The following SUPT6H variants were observed in gnomAD, a reference collection of about 807,000 sequenced individuals.
SUPT6H encodes the protein SPT6 homolog, histone chaperone and transcription elongation factor.
Under a neutral mutation model 222.3 loss-of-function variants are expected in SUPT6H, and 11 were observed. The ratio of observed to expected loss-of-function variants is 0.05; its 90% CI spans 0.03 to 0.08. The LOEUF (loss-of-function observed/expected upper bound fraction) is 0.08. SUPT6H is among the 10% of genes least tolerant of loss of function. The pLI is 1.00. For synonymous variants in SUPT6H, 762 were observed against 801.2 expected (o/e 0.95, Z 0.83); for missense variants, 1,422 against 2,216.0 (o/e 0.64, Z 7.19).
chr17:28,691,391 T>C, intron 27 of SUPT6H: 1 of 252,584 alleles, frequency 4.0e-6, no homozygotes, highest in Non-Finnish European at 8.0e-6. Flanking sequence ...CCAGTTGTGG[T>C]GGCATACGCC....
rs199536146 is a variant in SUPT6H, at chr17:28,676,230, G to C, written c.697G>C (p.Asp233His). ...YDEFEKYNEYDEELEEEYEYE... is the reference protein window; with the variant it reads ...YDEFEKYNEYHEELEEEYEYE... The stretch of plus-strand genomic sequence containing the variant: ...TGAATTTGAGAAATACAATGAGTAT[G>C]ATGAAGAACTGGAGGAAGAGTATGA... The change falls in exon 7 of 37, where the codon GAT becomes CAT. Residue 233 changes from aspartate (D) to histidine (H), a missense_variant. Asp to His is a moderately conservative substitution (Grantham distance 81). This residue lies in a region of SUPT6H where 389 missense variants were observed against 544.6 expected (regional missense o/e 0.71). Transcript: ENST00000314616. 6.2e-7 allele frequency: 1 copy of C among 1,613,406 alleles called. No individual in the cohort carries two copies. Among genetic ancestry groups the C allele is most frequent in the Non-Finnish European group, 8.5e-7 (1 of 1,179,814 alleles).
At chr17:28,675,272 CAAAG>C in intron 5 of SUPT6H, 110 bp downstream of exon 5, 3 of 1,482,426 alleles carry the variant, frequency 2.0e-6, no homozygotes, top group East Asian at 2.3e-5. Flanking sequence ...GCATTTGACA[CAAAG>C]AAGTTCCTTT....
intron 26 of SUPT6H, 27 bp from the exon 27 acceptor site, chr17:28,690,894 C>G: frequency 5.6e-6 from 9 of 1,607,906 alleles, no homozygotes; most frequent in Admixed American, 1.7e-5. Flanking sequence ...TCTGAGCCTG[C>G]TCCCCATCCT....
At chr17:28,674,227 C>T in intron 2 of SUPT6H, 56 bp from the exon 3 acceptor site, 1 of 1,604,672 alleles carries the variant, frequency 6.2e-7, no homozygotes, top group Non-Finnish European at 8.5e-7. Flanking sequence ...ATCAAGTGAC[C>T]CTGAACCTCT....
Position 28,697,930 on chromosome 17 carries a change from A to G in SUPT6H, c.4348A>G (p.Thr1450Ala). The G allele has an allele frequency of 6.2e-7, 1 of 1,614,050 alleles. No homozygotes were observed. Among genetic ancestry groups the G allele is most frequent in the Non-Finnish European group, 8.5e-7 (1 of 1,180,008 alleles). ...RKKLEELLIK[T>A]KKEKPTFIPY... ...GAAATTAGAGGAGCTGCTCATCAAA[A>G]CTAAGAAGGAGAAGCCCACCTTCAT... is the stretch of plus-strand genomic sequence containing the variant. The change falls in exon 32 of 37, where the codon ACT becomes GCT. Residue 1450 changes from threonine (T) to alanine (A), a missense_variant. Coordinates refer to ENST00000314616, the MANE Select transcript of SUPT6H (RefSeq NM_003170.5).
intron 2 of SUPT6H, among the ~76,000 whole-genome samples, chr17:28,673,906 A>G (rs1288104018): frequency 6.6e-6 from 1 of 152,224 alleles, no homozygotes; most frequent in Non-Finnish European, 1.5e-5. Context: ...AAATGACTTC[A>G]AAGGGGTAAA....
chr17:28,691,114 CT>C, intron 27 of SUPT6H, 51 bp downstream of exon 27: 1 of 1,580,206 alleles, frequency 6.3e-7, no homozygotes, highest in South Asian at 1.1e-5. Context: ...GTTGAATGAT[CT>C]CGGTGCCTAG....
chr17:28,674,863 C>G, intron 4 of SUPT6H, 107 bp from the exon 5 acceptor site: 2 of 1,355,260 alleles, frequency 1.5e-6, no homozygotes, highest in African/African-American at 1.4e-5. Context: ...TTTCCCATCT[C>G]TCTTGGTCAG....
intron 1 of SUPT6H, among the ~76,000 whole-genome samples, chr17:28,667,401 G>GGGTA (rs1555546885): frequency 5.0e-5 from 1 of 20,032 alleles, no homozygotes; most frequent in Non-Finnish European, 1.4e-4. Context: ...AAAAGTGTGT[G>GGGTA]TGTGTATATA....
chr17:28,693,530 T>C (rs1175057399), intron 27 of SUPT6H, among the ~76,000 whole-genome samples, 166 bp from the exon 28 acceptor site: 1 of 152,226 alleles, frequency 6.6e-6, no homozygotes, highest in Non-Finnish European at 1.5e-5. Flanking sequence ...AGGGACTTTG[T>C]AGATGGTCAA....
chr17:28,690,788 A>C (rs1425151260), intron 26 of SUPT6H, 133 bp from the exon 27 acceptor site: 30 of 1,040,502 alleles, frequency 2.9e-5, no homozygotes, highest in Admixed American at 1.1e-4. Context: ...ATAAATAAAT[A>C]AATAAAAATC....
At chr17:28,695,162 C>A in intron 28 of SUPT6H, 190 bp from the exon 29 acceptor site, 1 of 597,302 alleles carries the variant, frequency 1.7e-6, no homozygotes, top group Non-Finnish European at 2.9e-6. Context: ...TAGTGCAGGG[C>A]TTGGCCTGTA....
At chr17:28,700,593 C>G in intron 35 of SUPT6H, 81 bp downstream of exon 35, 1 of 1,524,942 alleles carries the variant, frequency 6.6e-7, no homozygotes, top group East Asian at 2.3e-5. Context: ...AGGGGCTTCA[C>G]ATGCACAGAT....
Position 28,681,011 on chromosome 17 carries a change from T to C in SUPT6H, c.1350-245T>C, listed in dbSNP as rs376951016. On this transcript the variant is annotated intron_variant, in intron 11 of 36. Transcript: ENST00000314616. ...TGTTGCCTAGGATGGAGAGCAGTGG[T>C]GTGGTCACAGTTCGCGGCAGCCTCA... is the stretch of plus-strand genomic sequence containing the variant. The C allele has an allele frequency of 2.5e-4, 113 of 449,912 alleles. No homozygotes were observed. The East Asian group carries it at 5.1e-3, about 20-fold the overall frequency. 27.9% of individuals were successfully genotyped at this position (449,912 alleles called of 1,614,324 possible).
At chr17:28,685,248 G>A (rs1263604343) in intron 19 of SUPT6H, among the ~76,000 whole-genome samples, 1 of 152,140 alleles carries the variant, frequency 6.6e-6, no homozygotes, top group Non-Finnish European at 1.5e-5. Context: ...GGCTGTTCCA[G>A]CAGCTGAAAG....
Position 28,688,564 on chromosome 17 carries a change from G to A in SUPT6H, c.3134+346G>A, listed in dbSNP as rs559797260. On this transcript the variant is annotated intron_variant, in intron 24 of 36. Coordinates refer to ENST00000314616, the MANE Select transcript of SUPT6H (RefSeq NM_003170.5). This position sits in a 1 kb window ranked among gnomAD's most constrained non-coding sequence, Gnocchi z 4.3. Reference sequence around the variant, plus strand: ...GGGAATAGCGGGGGCAATGAAAAAGGAGTTTGGGGGTATAAAGAGATAAGG... The same window carrying A: ...GGGAATAGCGGGGGCAATGAAAAAGAAGTTTGGGGGTATAAAGAGATAAGG... The A allele has an allele frequency of 2.4e-5, 4 of 166,146 alleles. No individual in the cohort carries two copies. The highest frequency in any genetic ancestry group is 5.2e-5 in the Non-Finnish European group (4 of 77,226). 10.3% of individuals were successfully genotyped at this position (166,146 alleles called of 1,614,324 possible). A position where few individuals can be genotyped will look rare whatever the true frequency, so the allele number is the denominator to read the frequency against.
At chr17:28,680,962 GA>G (rs1020052743) in intron 11 of SUPT6H, among the ~76,000 whole-genome samples, 1 of 152,050 alleles carries the variant, frequency 6.6e-6, no homozygotes, top group Non-Finnish European at 1.5e-5. Context: ...CTTTAAAAAA[GA>G]AAAAAAGAAA....
intron 1 of SUPT6H, among the ~76,000 whole-genome samples, chr17:28,669,567 G>A (rs2030290747): frequency 6.6e-6 from 1 of 152,218 alleles, no homozygotes; most frequent in East Asian, 1.9e-4. Flanking sequence ...ACTTTGGAAG[G>A]TCGAGGCAGG....
At chr17:28,676,092 G>A in intron 6 of SUPT6H, 65 bp from the exon 7 acceptor site, 1 of 1,515,944 alleles carries the variant, frequency 6.6e-7, no homozygotes. Flanking sequence ...AAGGATCTAT[G>A]CAAGGGCTGC....
Sources: allele counts gnomAD v4.1 joint callset (sites outside exome capture counted in the v4.1 genomes callset), GRCh38; gene constraint gnomAD v4.1.1; regional missense constraint gnomAD v4.1.1; non-coding constraint Gnocchi (gnomAD v3.1); transcripts MANE v1.5; gene names NCBI Gene and HGNC (gene_info 2026-07-23, HGNC 2026-07-21).